Variants in NEK11 observed in about 807,000 individuals in gnomAD.
The protein encoded by NEK11 is serine/threonine-protein kinase Nek11.
A neutral mutation model predicts 80.7 loss-of-function variants in NEK11; 72 were observed. The observed-to-expected ratio is 0.89, with a 90% CI of 0.74 to 1.08. The LOEUF (loss-of-function observed/expected upper bound fraction) is 1.08, where lower values mean the gene tolerates loss of function less well. Among genes scored for constraint, NEK11 ranks in the 50% least tolerant of loss-of-function variants. The pLI, the probability that NEK11 is intolerant of heterozygous loss-of-function variation, is 0.00. For missense variants in NEK11, 764 were observed against 763.6 expected, an observed-to-expected ratio of 1.00 and a Z score of -0.01; for synonymous variants, 251 against 260.7, an observed-to-expected ratio of 0.96 and a Z score of 0.36.
intron 12 of NEK11, 136 bp from the exon 13 acceptor site, chr3:131,168,694 G>T: frequency 3.4e-6 from 2 of 594,776 alleles, no homozygotes; most frequent in Non-Finnish European, 5.9e-6. Flanking sequence ...TAATTCCTAT[G>T]CTGCTGGTCT....
At chr3:131,209,904 A>G (rs766133848) in intron 14 of NEK11, among the ~76,000 whole-genome samples, 1 of 151,718 alleles carries the variant, frequency 6.6e-6, no homozygotes, top group Non-Finnish European at 1.5e-5. Flanking sequence ...GCTAGCATCT[A>G]TCTATTTTGT....
chr3:131,114,661 C>T lies in NEK11; in HGVS notation c.455+4740C>T, dbSNP rs540398114. Among the ~76,000 whole-genome samples, 3 of 152,314 alleles carry T rather than the reference C, an allele frequency of 2.0e-5. No homozygotes were observed. The East Asian group carries it at 5.8e-4, about 29-fold the overall frequency. Reference sequence around the variant, plus strand: ...AATGTCAGAGGGGGTGGAGATGCCTCTTCCTCCCAAAGGGACCCCTCACTG... The same window carrying T: ...AATGTCAGAGGGGGTGGAGATGCCTTTTCCTCCCAAAGGGACCCCTCACTG... On this transcript the variant is annotated intron_variant, in intron 5 of 17. Transcript: ENST00000383366.
Position 131,152,826 on chromosome 3 carries a change from A to G in NEK11, c.876+117A>G, listed in dbSNP as rs1355306627. On this transcript the variant is annotated intron_variant, in intron 9 of 17. Coordinates refer to ENST00000383366, the MANE Select transcript of NEK11 (RefSeq NM_024800.5). ...GTAAGAATCAACCAGAAAGGAGGAAAAAGGCCAAAAAGAAGCTGAGAGGCC... is the reference window on the plus strand; with the variant it reads ...GTAAGAATCAACCAGAAAGGAGGAAGAAGGCCAAAAAGAAGCTGAGAGGCC... The G allele has an allele frequency of 4.0e-6, 3 of 755,038 alleles. No individual in the cohort carries two copies. The East Asian group carries it at 8.1e-5, about 20-fold the overall frequency. 46.8% of individuals were successfully genotyped at this position (755,038 alleles called of 1,614,324 possible). A position where few individuals can be genotyped will look rare whatever the true frequency, so the allele number is the denominator to read the frequency against.
intron 16 of NEK11, among the ~76,000 whole-genome samples, chr3:131,259,861 G>T (rs1259634028): frequency 6.6e-6 from 1 of 152,188 alleles, no homozygotes; most frequent in East Asian, 1.9e-4. Flanking sequence ...CCTTCAAGGA[G>T]GATCTGCATA....
At chr3:131,106,842 T>C (rs1256861240) in intron 4 of NEK11, among the ~76,000 whole-genome samples, 1 of 152,114 alleles carries the variant, frequency 6.6e-6, no homozygotes, top group Non-Finnish European at 1.5e-5. Flanking sequence ...AAAACAGATC[T>C]TGTAGTATTC....
intron 4 of NEK11, among the ~76,000 whole-genome samples, chr3:131,082,507 A>G (rs927075067): frequency 6.6e-6 from 1 of 152,214 alleles, no homozygotes; most frequent in Non-Finnish European, 1.5e-5. Context: ...GTGCTGTCTA[A>G]TATAGTAGTC....
Position 131,059,990 on chromosome 3 carries a change from A to AATTATT in NEK11, c.171-20431_171-20426dup, listed in dbSNP as rs1379199494. ...AAAAATGCATAGTCCCTTGTTAAAAAATTATTAAGAATTTCAAGCCAGTGA... is the reference window on the plus strand; with the variant it reads ...AAAAATGCATAGTCCCTTGTTAAAAAATTATTATTATTAAGAATTTCAAGCCAGTGA... On this transcript the variant is annotated intron_variant, in intron 3 of 17. Coordinates refer to ENST00000383366, the MANE Select transcript of NEK11 (RefSeq NM_024800.5). Among the ~76,000 whole-genome samples the AATTATT allele has an allele frequency of 4.1e-4, 62 of 152,220 alleles. 1 individual carries two copies. The highest frequency in any genetic ancestry group is 1.4e-3 in the African/African-American group (60 of 41,462).
At chr3:131,318,035 C>T (rs1042578641) in intron 17 of NEK11, among the ~76,000 whole-genome samples, 1 of 152,060 alleles carries the variant, frequency 6.6e-6, no homozygotes, top group African/African-American at 2.4e-5. Context: ...TCTTCACTGT[C>T]CTTCAGTCTA....
At chr3:131,326,425 C>T (rs1418090554) in intron 17 of NEK11, 1 of 152,408 alleles carries the variant, frequency 6.6e-6, no homozygotes, top group Non-Finnish European at 1.5e-5. Flanking sequence ...CTTAATTAGG[C>T]TCCACCCACC....
At chr3:131,336,139 A>G (rs1228329828) in intron 17 of NEK11, among the ~76,000 whole-genome samples, 5 of 152,198 alleles carry the variant, frequency 3.3e-5, no homozygotes. Context: ...ATATGGAACC[A>G]AAAAAGAGCC....
intron 14 of NEK11, among the ~76,000 whole-genome samples, chr3:131,196,570 G>A (rs1412546476): frequency 6.6e-6 from 1 of 151,286 alleles, no homozygotes; most frequent in East Asian, 1.9e-4. Context: ...GTCTCACTCT[G>A]CCACACAAGC....
chr3:131,170,897 T>C lies in NEK11; in HGVS notation c.1399+10T>C. ...GACCTTGGATACCATGGTATGTGTT[T>C]GCATTGATTTTCAGAAGGATGCTCA... On this transcript the variant is annotated intron_variant, in intron 14 of 17. Coordinates refer to ENST00000383366, the MANE Select transcript of NEK11 (RefSeq NM_024800.5). 1 of 1,590,980 alleles carries C rather than the reference T, an allele frequency of 6.3e-7. No individual in the cohort carries two copies. The highest frequency in any genetic ancestry group is 1.1e-5 in the South Asian group (1 of 90,620).
chr3:131,263,957 T>C (rs540310932), intron 16 of NEK11, among the ~76,000 whole-genome samples: 1 of 152,370 alleles, frequency 6.6e-6, no homozygotes, highest in South Asian at 2.1e-4. Flanking sequence ...ATTTCTCTGA[T>C]GGCCAGTGTT....
In NEK11 at chr3:131,118,034, G is replaced by A. The variant is rs564218200; in HGVS notation, c.455+8113G>A. 7.2e-4 allele frequency among the ~76,000 whole-genome samples: 110 copies of A among 152,270 alleles called. 1 individual carries two copies. The highest frequency in any genetic ancestry group is 2.6e-3 in the African/African-American group (108 of 41,550). ...TGTTGAATAGGAGTGGTGAGAGAGG[G>A]CATCCCTGTCTTGTGCCAGTTTTCA... On this transcript the variant is annotated intron_variant, in intron 5 of 17. Coordinates refer to ENST00000383366, the MANE Select transcript of NEK11 (RefSeq NM_024800.5).
chr3:131,117,110 G>A lies in NEK11; in HGVS notation c.455+7189G>A, dbSNP rs371408514. On this transcript the variant is annotated intron_variant, in intron 5 of 17. Coordinates refer to ENST00000383366, the MANE Select transcript of NEK11 (RefSeq NM_024800.5). ...TCTTCTAGGGTTTTTATGGTTTTAG[G>A]TCTAACAGTTAAGTCTTTAATCCAT... 2.9e-3 allele frequency among the ~76,000 whole-genome samples: 438 copies of A among 152,280 alleles called. 1 individual carries two copies. The highest frequency in any genetic ancestry group is 5.1e-3 in the Non-Finnish European group (347 of 68,028).
intron 4 of NEK11, among the ~76,000 whole-genome samples, chr3:131,095,203 C>T (rs767012052): frequency 6.6e-6 from 1 of 152,036 alleles, no homozygotes; most frequent in Non-Finnish European, 1.5e-5. Context: ...TCCTTAGCAA[C>T]CAATTAATTG....
chr3:131,176,580 G>A (rs2093028699), intron 14 of NEK11, among the ~76,000 whole-genome samples: 1 of 152,112 alleles, frequency 6.6e-6, no homozygotes, highest in Non-Finnish European at 1.5e-5. Context: ...CCACCCTGAG[G>A]CATATTTAAT....
intron 5 of NEK11, among the ~76,000 whole-genome samples, chr3:131,132,516 G>A (rs1318383645): frequency 6.6e-6 from 1 of 151,936 alleles, no homozygotes; most frequent in African/African-American, 2.4e-5. Flanking sequence ...GCATATCACC[G>A]TTCTCCAAAC....
At chr3:131,245,065 A>AT (rs1233239911) in intron 16 of NEK11, among the ~76,000 whole-genome samples, 4 of 151,920 alleles carry the variant, frequency 2.6e-5, no homozygotes, top group Non-Finnish European at 5.9e-5. Context: ...CCATTAAGTA[A>AT]TTTTTTTATC....
Sources: gnomAD v4.1 joint callset for allele counts (sites outside exome capture counted in the v4.1 genomes callset) on GRCh38, gnomAD v4.1.1 for gene constraint, MANE v1.5 for transcripts, NCBI Gene and HGNC (gene_info 2026-07-23, HGNC 2026-07-21) for gene names.